Variants in CHSY3 observed in about 807,000 individuals in gnomAD.
CHSY3 encodes chondroitin sulfate synthase 3, also known as N-acetylgalactosaminyl-proteoglycan 3-beta-glucuronosyltransferase 3.
A neutral mutation model predicts 67.2 loss-of-function variants in CHSY3; 35 were observed. That is an observed-to-expected ratio of 0.52 (90% CI 0.40 to 0.69). The LOEUF is 0.69. Ranked by LOEUF, CHSY3 falls within the 30% of genes least tolerant of loss-of-function variation. The probability of loss-of-function intolerance (pLI) is 0.00; values close to 1 mark genes in which losing one functional copy is unlikely to be tolerated. For missense variants in CHSY3, 1,069 were observed against 1,138.5 expected, an observed-to-expected ratio of 0.94 and a Z score of 0.88; for synonymous variants, 474 against 434.7, an observed-to-expected ratio of 1.09 and a Z score of -1.12.
chr5:130,057,025 G>A (rs59741567), intron 2 of CHSY3, among the ~76,000 whole-genome samples: 1,474 of 136,716 alleles, frequency 0.011, 27 homozygotes, highest in African/African-American at 0.037. Context: ...CCGGGTTCAC[G>A]CCATTCTGCT....
At chr5:130,113,116 G>A (rs1159072333) in intron 2 of CHSY3, among the ~76,000 whole-genome samples, 3 of 151,982 alleles carry the variant, frequency 2.0e-5, no homozygotes, top group Non-Finnish European at 2.9e-5. Flanking sequence ...TAATACGTGT[G>A]TGTGTGTATA....
intron 2 of CHSY3, among the ~76,000 whole-genome samples, chr5:129,977,900 G>GAAC (rs1762862623): frequency 6.7e-6 from 1 of 149,800 alleles, no homozygotes; most frequent in Non-Finnish European, 1.5e-5. Context: ...GCTTACTTCA[G>GAAC]AACAACAACA....
intron 2 of CHSY3, among the ~76,000 whole-genome samples, chr5:130,020,453 ATATATATATTTTTTTT>A (rs1426041942): frequency 0.02 from 162 of 7,922 alleles, 5 homozygotes; most frequent in Admixed American, 0.079. Flanking sequence ...ATATATATAT[ATATATATATTTTTTTT>A]TTTTTTTTTT....
intron 2 of CHSY3, among the ~76,000 whole-genome samples, chr5:130,179,310 C>A (rs1770175412): frequency 6.6e-6 from 1 of 152,034 alleles, no homozygotes; most frequent in South Asian, 2.1e-4. Context: ...TAAATTGTAT[C>A]TTTATGTCTT....
At chr5:129,955,053 T>C (rs1018393927) in intron 2 of CHSY3, among the ~76,000 whole-genome samples, 2 of 152,008 alleles carry the variant, frequency 1.3e-5, no homozygotes, top group African/African-American at 4.8e-5. Flanking sequence ...ATTTTCAATA[T>C]AGACGGGTTT....
chr5:130,015,842 T>C (rs1249215872), intron 2 of CHSY3, among the ~76,000 whole-genome samples: 6 of 152,280 alleles, frequency 3.9e-5, no homozygotes, highest in African/African-American at 1.4e-4. Context: ...TTGGTGCCCA[T>C]TAACGGTGGA....
rs1009350890 is a variant in CHSY3 at position 129,905,826 on chromosome 5, T to C, written c.802+195T>C. On this transcript the variant is annotated intron_variant, in intron 1 of 2. Coordinates refer to ENST00000305031, the MANE Select transcript of CHSY3 (RefSeq NM_175856.5). The stretch of plus-strand genomic sequence containing the variant: ...AGCCCGTTCCTCGTCTTCTGCAATC[T>C]GGACCCTCCTCACACCTGCCTGGCT... The C allele has an allele frequency of 3.3e-6, 4 of 1,218,712 alleles. No individual in the cohort carries two copies. In the African/African-American group the frequency reaches 6.3e-5, roughly 19 times the overall value. The allele number at this position is 1,218,712 out of a possible 1,614,324, so 75.5% of individuals were successfully genotyped here. A position where few individuals can be genotyped will look rare whatever the true frequency, so the allele number is the denominator to read the frequency against.
At chr5:130,121,741 TAGAAA>T (rs1257625693) in intron 2 of CHSY3, among the ~76,000 whole-genome samples, 1 of 152,206 alleles carries the variant, frequency 6.6e-6, no homozygotes, top group Admixed American at 6.5e-5. Context: ...TCATTGGTGA[TAGAAA>T]AACAATGAGG....
rs772009049 is a variant in CHSY3, at chr5:130,186,540, G to A, written c.*749G>A. 5.2e-5 allele frequency: 8 copies of A among 152,694 alleles called. No homozygotes were observed. Among genetic ancestry groups the A allele is most frequent in the Non-Finnish European group, 1.0e-4 (7 of 68,014 alleles). The allele number at this position is 152,694 out of a possible 1,614,324, so 9.5% of individuals were successfully genotyped here. ...CATTTTAGAAGCTTTATGAAACAAT[G>A]TCCTTCATTTGCTGGCAAGAAGATA... On this transcript the variant is annotated 3_prime_UTR_variant, in exon 3 of 3. Transcript: ENST00000305031.
chr5:130,124,070 A>G (rs1231977255), intron 2 of CHSY3, among the ~76,000 whole-genome samples: 3 of 150,980 alleles, frequency 2.0e-5, no homozygotes, highest in African/African-American at 7.3e-5. Flanking sequence ...AAAAAGAAGT[A>G]AACAGTTCTA....
At chr5:130,125,824 A>C (rs1251863846) in intron 2 of CHSY3, among the ~76,000 whole-genome samples, 1 of 152,180 alleles carries the variant, frequency 6.6e-6, no homozygotes, top group East Asian at 1.9e-4. Context: ...CTTGGATAAC[A>C]AGCCTGAATT....
chr5:129,915,630 C>T (rs1418824285), intron 2 of CHSY3, among the ~76,000 whole-genome samples: 3 of 152,032 alleles, frequency 2.0e-5, no homozygotes, highest in Non-Finnish European at 2.9e-5. Context: ...GTCATTATCT[C>T]TTTCAGTTTC....
At chr5:129,910,600 A>G (rs1013352936) in intron 2 of CHSY3, among the ~76,000 whole-genome samples, 1 of 152,024 alleles carries the variant, frequency 6.6e-6, no homozygotes, top group African/African-American at 2.4e-5. Flanking sequence ...ACTAGTAAAG[A>G]TACATATACA....
chr5:130,144,124 C>A (rs1369693642), intron 2 of CHSY3, among the ~76,000 whole-genome samples: 5 of 150,718 alleles, frequency 3.3e-5, no homozygotes, highest in Non-Finnish European at 4.4e-5. Flanking sequence ...ATAAATATAT[C>A]TTTCCAAGCA....
chr5:130,024,786 C>T (rs1013616943), intron 2 of CHSY3, among the ~76,000 whole-genome samples: 7 of 152,050 alleles, frequency 4.6e-5, no homozygotes, highest in Admixed American at 1.3e-4. Flanking sequence ...AGACTGCTCC[C>T]TAATGTCACT....
At chr5:130,166,527 G>A (rs967489415) in intron 2 of CHSY3, among the ~76,000 whole-genome samples, 14 of 151,980 alleles carry the variant, frequency 9.2e-5, no homozygotes, top group African/African-American at 2.4e-4. Context: ...CTTCATTTCC[G>A]GAAAACTTGA....
chr5:130,186,003 A>G lies in CHSY3; in HGVS notation c.*212A>G, dbSNP rs1280093940. On this transcript the variant is annotated 3_prime_UTR_variant, in exon 3 of 3. Coordinates refer to ENST00000305031, the MANE Select transcript of CHSY3 (RefSeq NM_175856.5). ...CAGTTCACTGATGTTTCAGATTTCT[A>G]CTGAAGTCAATATGTTATTACTTTT... The G allele has an allele frequency of 3.3e-6, 1 of 307,674 alleles. No homozygotes were observed. Among genetic ancestry groups the G allele is most frequent in the African/African-American group, 2.2e-5 (1 of 46,494 alleles). 19.1% of individuals were successfully genotyped at this position (307,674 alleles called of 1,614,324 possible). A position where few individuals can be genotyped will look rare whatever the true frequency, so the allele number is the denominator to read the frequency against.
At chr5:130,020,441 A>G (rs867135072) in intron 2 of CHSY3, among the ~76,000 whole-genome samples, 2 of 13,198 alleles carry the variant, frequency 1.5e-4, no homozygotes, top group Non-Finnish European at 3.5e-4. Flanking sequence ...ATATATATAT[A>G]TATATATATA....
In CHSY3 at chr5:129,950,755, T is replaced by A. The variant is rs540679911; in HGVS notation, c.1086+42395T>A. ...AACTGTAAAATATTGATGAAAGAAA[T>A]TAAGACACAAAGAAATGGAAAGGCA... On this transcript the variant is annotated intron_variant, in intron 2 of 2. Transcript: ENST00000305031. 7.2e-5 allele frequency among the ~76,000 whole-genome samples: 11 copies of A among 152,212 alleles called. No individual in the cohort carries two copies. The East Asian group carries it at 2.1e-3, about 29-fold the overall frequency.
Sources: allele counts gnomAD v4.1 joint callset (sites outside exome capture counted in the v4.1 genomes callset), GRCh38; gene constraint gnomAD v4.1.1; transcripts MANE v1.5; gene names NCBI Gene and HGNC (gene_info 2026-07-23, HGNC 2026-07-21).